Variants in NAALADL2 observed in about 807,000 individuals in gnomAD.
NAALADL2 encodes N-acetylated alpha-linked acidic dipeptidase like 2, also known as inactive N-acetylated-alpha-linked acidic dipeptidase-like protein 2.
In NAALADL2, 76 loss-of-function variants were observed where a neutral mutation model predicts 87.2. That is an observed-to-expected ratio of 0.87 (90% CI 0.72 to 1.05). NAALADL2 has a LOEUF of 1.05. Ranked by LOEUF, NAALADL2 falls within the 50% of genes least tolerant of loss-of-function variation. The pLI, the probability that NAALADL2 is intolerant of heterozygous loss-of-function variation, is 0.00. For synonymous variants in NAALADL2, 354 were observed against 331.0 expected, an observed-to-expected ratio of 1.07 and a Z score of -0.75; for missense variants, 1,089 against 945.8, an observed-to-expected ratio of 1.15 and a Z score of -1.99.
intron 13 of NAALADL2, 133 bp downstream of exon 13, chr3:175,755,551 A>ACTG: frequency 3.6e-6 from 2 of 556,646 alleles, no homozygotes; most frequent in Non-Finnish European, 5.6e-6. Flanking sequence ...CATTTGAGGA[A>ACTG]CTTCCCCCTC....
At chr3:175,351,341 CAT>C (rs1263187978) in intron 5 of NAALADL2, among the ~76,000 whole-genome samples, 4 of 151,778 alleles carry the variant, frequency 2.6e-5, no homozygotes, top group Non-Finnish European at 4.4e-5. Context: ...ATCTGATGTG[CAT>C]ATATATGTGT....
chr3:175,165,156 C>T (rs1364389571), intron 2 of NAALADL2, among the ~76,000 whole-genome samples: 2 of 152,042 alleles, frequency 1.3e-5, no homozygotes, highest in African/African-American at 4.8e-5. Flanking sequence ...TTCTCAACAC[C>T]CAAGCCGAAA....
intron 1 of NAALADL2, among the ~76,000 whole-genome samples, chr3:174,495,281 A>AAAAAAC (rs1718458273): frequency 6.8e-6 from 1 of 146,576 alleles, no homozygotes. Flanking sequence ...AAAAAAAAAA[A>AAAAAAC]CAGCCTTACT....
At chr3:175,787,606 C>G (rs1490296242) in intron 13 of NAALADL2, among the ~76,000 whole-genome samples, 3 of 152,166 alleles carry the variant, frequency 2.0e-5, no homozygotes, top group Non-Finnish European at 4.4e-5. Flanking sequence ...CCTGCGCCCA[C>G]TGTCTGGCGC....
At chr3:174,998,983 C>T (rs1747885159) in intron 1 of NAALADL2, among the ~76,000 whole-genome samples, 1 of 152,088 alleles carries the variant, frequency 6.6e-6, no homozygotes. Flanking sequence ...GTGGCATTAT[C>T]CTGCCTGAGA....
chr3:174,840,413 C>G (rs1423311950), intron 3 of NAALADL2, among the ~76,000 whole-genome samples: 1 of 151,926 alleles, frequency 6.6e-6, no homozygotes, highest in Admixed American at 6.6e-5. Flanking sequence ...TGTTTGCCCT[C>G]TATAGTTTTT....
intron 1 of NAALADL2, among the ~76,000 whole-genome samples, chr3:175,038,594 A>G (rs1753691005): frequency 6.6e-6 from 1 of 152,200 alleles, no homozygotes. Flanking sequence ...GCCATTTGCC[A>G]TGAATCATTT....
At chr3:175,307,920 C>T (rs1278330189) in intron 4 of NAALADL2, among the ~76,000 whole-genome samples, 2 of 152,096 alleles carry the variant, frequency 1.3e-5, no homozygotes, top group Non-Finnish European at 2.9e-5. Flanking sequence ...CCTGTTATCA[C>T]AACATGAGCA....
At chr3:175,609,806 G>A (rs1346270623) in intron 10 of NAALADL2, among the ~76,000 whole-genome samples, 1 of 152,050 alleles carries the variant, frequency 6.6e-6, no homozygotes, top group Non-Finnish European at 1.5e-5. Flanking sequence ...AGTCACCTTT[G>A]TATTGTGAAC....
chr3:174,771,271 T>A (rs1279613270), intron 3 of NAALADL2, among the ~76,000 whole-genome samples: 1 of 152,086 alleles, frequency 6.6e-6, no homozygotes, highest in African/African-American at 2.4e-5. Context: ...CAGAGTAAAA[T>A]CAAAGTATAA....
At position 175,324,174 on chromosome 3, in the gene NAALADL2, G is replaced by T. The variant is rs1295536183; in HGVS notation, c.940-1G>T. ...TTTAATAGCTTGCTTCCCTCTTTTA[G>T]CTTTCCTCATTGGAAAAGGCTGGAT... On this transcript the variant is annotated splice_acceptor_variant, in intron 4 of 13. Coordinates refer to ENST00000454872, the MANE Select transcript of NAALADL2 (RefSeq NM_207015.3). LOFTEE classifies it high-confidence loss of function. 6.2e-7 allele frequency: 1 copy of T among 1,612,258 alleles called. No individual in the cohort carries two copies. Among genetic ancestry groups the T allele is most frequent in the African/African-American group, 1.3e-5 (1 of 74,930 alleles).
chr3:175,644,060 G>C (rs951126360), intron 11 of NAALADL2, among the ~76,000 whole-genome samples: 3 of 152,056 alleles, frequency 2.0e-5, no homozygotes, highest in Non-Finnish European at 4.4e-5. Flanking sequence ...ATGAAGTTGA[G>C]TGCCATTATG....
chr3:175,173,437 G>A (rs1420977115), intron 2 of NAALADL2, among the ~76,000 whole-genome samples: 1 of 152,154 alleles, frequency 6.6e-6, no homozygotes, highest in East Asian at 1.9e-4. Flanking sequence ...GGGAGGCAGG[G>A]GTTGCAGTGA....
chr3:175,134,517 T>A (rs1293769923), intron 2 of NAALADL2, among the ~76,000 whole-genome samples: 1 of 152,214 alleles, frequency 6.6e-6, no homozygotes, highest in Non-Finnish European at 1.5e-5. Context: ...TGGTATTTTG[T>A]GTGCATAATC....
At chr3:174,798,633 C>T (rs1243286886) in intron 3 of NAALADL2, among the ~76,000 whole-genome samples, 1 of 151,786 alleles carries the variant, frequency 6.6e-6, no homozygotes, top group Non-Finnish European at 1.5e-5. Context: ...TTTCAGTATA[C>T]TATTCATTAA....
chr3:175,033,224 C>T (rs1752995958), intron 1 of NAALADL2, among the ~76,000 whole-genome samples: 1 of 151,918 alleles, frequency 6.6e-6, no homozygotes, highest in East Asian at 1.9e-4. Context: ...TGGTTTCACC[C>T]TAGCTCCCTC....
intron 9 of NAALADL2, among the ~76,000 whole-genome samples, chr3:175,492,123 G>T (rs143600960): frequency 1.6e-4 from 25 of 152,162 alleles, no homozygotes; most frequent in African/African-American, 6.0e-4. Context: ...GAATTTCCAC[G>T]GTAAAATGTT....
At chr3:175,790,547 A>G (rs757180559) in intron 13 of NAALADL2, among the ~76,000 whole-genome samples, 11 of 152,142 alleles carry the variant, frequency 7.2e-5, no homozygotes, top group Non-Finnish European at 1.3e-4. Context: ...TGTTCTGGGG[A>G]TTGGAATTCT....
intron 9 of NAALADL2, among the ~76,000 whole-genome samples, chr3:175,481,982 T>A (rs1726541400): frequency 1.3e-5 from 2 of 151,798 alleles, no homozygotes; most frequent in South Asian, 4.1e-4. Context: ...CAGAAAAAAA[T>A]TCATCTTTCA....
Sources: allele counts gnomAD v4.1 joint callset (sites outside exome capture counted in the v4.1 genomes callset), GRCh38; gene constraint gnomAD v4.1.1; transcripts MANE v1.5; gene names NCBI Gene and HGNC (gene_info 2026-07-23, HGNC 2026-07-21).